Variants in ZNF33A observed in about 807,000 individuals in gnomAD.
ZNF33A encodes the protein brain my041 protein.
A neutral mutation model predicts 15.9 loss-of-function variants in ZNF33A; 9 were observed. That is an observed-to-expected ratio of 0.57 (90% CI 0.34 to 0.99). The LOEUF is 0.99. Ranked by LOEUF, ZNF33A falls within the 50% of genes least tolerant of loss-of-function variation. The probability of loss-of-function intolerance (pLI) is 0.02; values close to 1 mark genes in which losing one functional copy is unlikely to be tolerated. For missense variants in ZNF33A, 843 were observed against 941.6 expected, an observed-to-expected ratio of 0.90 and a Z score of 1.37; for synonymous variants, 294 against 324.2, an observed-to-expected ratio of 0.91 and a Z score of 1.00.
chr10:38,020,044 T>A (rs960775939), intron 4 of ZNF33A, among the ~76,000 whole-genome samples: 4 of 152,078 alleles, frequency 2.6e-5, no homozygotes, highest in African/African-American at 9.7e-5. Flanking sequence ...GAGAATACTA[T>A]AAAATGTGAT....
At chr10:38,048,405 C>T (rs917272096) in intron 4 of ZNF33A, among the ~76,000 whole-genome samples, 3 of 152,090 alleles carry the variant, frequency 2.0e-5, no homozygotes, top group Non-Finnish European at 1.5e-5. Flanking sequence ...CATATATGTA[C>T]TATTTCTGAA....
rs2066510041 is a variant in ZNF33A, at chr10:38,056,990, A to T, written c.*430A>T. Reference sequence around the variant, plus strand: ...ATGAGTAGAGAGAATTCCCATGTACACTTCACCAAACTTCCTCTAAGGATA... The same window carrying T: ...ATGAGTAGAGAGAATTCCCATGTACTCTTCACCAAACTTCCTCTAAGGATA... On this transcript the variant is annotated 3_prime_UTR_variant, in exon 5 of 5. Coordinates refer to ENST00000432900, the MANE Select transcript of ZNF33A (RefSeq NM_006954.2). 1 of 801,498 alleles carries T rather than the reference A, an allele frequency of 1.2e-6. No individual in the cohort carries two copies. The highest frequency in any genetic ancestry group is 1.8e-5 in the African/African-American group (1 of 54,200). 49.6% of individuals were successfully genotyped at this position (801,498 alleles called of 1,614,324 possible).
At position 38,010,689 on chromosome 10, in the gene ZNF33A, T is replaced by G. The variant is rs2064124339; in HGVS notation, c.-139T>G. On this transcript the variant is annotated 5_prime_UTR_variant, in exon 1 of 5. Coordinates refer to ENST00000432900, the MANE Select transcript of ZNF33A (RefSeq NM_006954.2). ...GCTACGTCTGCGTTTCCGCCTTTCCTTTTGTTTTTCTCAGGTTTTGCGTGG... is the reference window on the plus strand; with the variant it reads ...GCTACGTCTGCGTTTCCGCCTTTCCGTTTGTTTTTCTCAGGTTTTGCGTGG... 1 of 1,596,126 alleles carries G rather than the reference T, an allele frequency of 6.3e-7. No individual in the cohort carries two copies. The highest frequency in any genetic ancestry group is 8.5e-7 in the Non-Finnish European group (1 of 1,177,972).
At chr10:38,062,528 G>A (rs1385288068), downstream of ZNF33A, among the ~76,000 whole-genome samples, 2 of 152,198 alleles carry the variant, frequency 1.3e-5, no homozygotes, top group African/African-American at 4.8e-5. Context: ...ACTATTATGA[G>A]TGCGTGTGTA....
chr10:38,043,955 T>C (rs1269066605), intron 4 of ZNF33A: 4 of 152,044 alleles, frequency 2.6e-5, no homozygotes, highest in African/African-American at 9.7e-5. Context: ...AGTTTTAGTA[T>C]ATGTGTTGCA....
chr10:38,019,969 A>G (rs1484864299), intron 4 of ZNF33A, among the ~76,000 whole-genome samples: 1 of 152,216 alleles, frequency 6.6e-6, no homozygotes, highest in Non-Finnish European at 1.5e-5. Context: ...TTTCACTTCA[A>G]GTGGTAAAAT....
At chr10:38,023,579 C>G (rs142166199) in intron 4 of ZNF33A, among the ~76,000 whole-genome samples, 25 of 152,280 alleles carry the variant, frequency 1.6e-4, no homozygotes, top group Admixed American at 1.4e-3. Flanking sequence ...ATGATAAAAA[C>G]TCTCCATACT....
rs2066496089 is a variant in ZNF33A, at chr10:38,056,552, G to A, written c.2428G>A (p.Val810Ile). Residue 810 changes from valine to isoleucine, a missense_variant, in exon 5 of 5, where the codon GTT becomes ATT. Physicochemically the swap from Val to Ile is conservative, Grantham distance 29. Transcript: ENST00000432900. ...AGAAAGCCCTGATGACATCCTGAATGTTCAGTAACTATCCACAAACTCACC... is the reference window on the plus strand; with the variant it reads ...AGAAAGCCCTGATGACATCCTGAATATTCAGTAACTATCCACAAACTCACC... ...CGESPDDILNVQ is the reference protein window; with the variant it reads ...CGESPDDILNIQ 2 of 1,562,860 alleles carry A rather than the reference G, an allele frequency of 1.3e-6. No homozygotes were observed. The highest frequency in any genetic ancestry group is 1.9e-5 in the Admixed American group (1 of 51,712).
intron 2 of ZNF33A, among the ~76,000 whole-genome samples, chr10:38,013,682 C>A (rs1413659702): frequency 2.0e-5 from 3 of 151,946 alleles, no homozygotes; most frequent in African/African-American, 7.3e-5. Flanking sequence ...TGGTCTCAGT[C>A]TCCTGACCTC....
chr10:38,023,012 C>T (rs1774216703), intron 4 of ZNF33A, among the ~76,000 whole-genome samples: 1 of 151,970 alleles, frequency 6.6e-6, no homozygotes, highest in Non-Finnish European at 1.5e-5. Context: ...GTGGTGTAAT[C>T]TCGGCTCACC....
chr10:38,054,449 A>G lies in ZNF33A; in HGVS notation c.325A>G (p.Ile109Val), dbSNP rs779773450. 2.6e-5 allele frequency: 42 copies of G among 1,609,648 alleles called. No homozygotes were observed. The highest frequency in any genetic ancestry group is 3.4e-5 in the Non-Finnish European group (40 of 1,178,732). Residue 109 changes from isoleucine to valine, a missense_variant, in exon 5 of 5, where the codon ATC becomes GTC. Ile to Val is a conservative substitution (Grantham distance 29). Transcript: ENST00000432900. ...QSKHLWEVVF[I>V]NNEMLTKEQG... ...TAAACATTTGTGGGAAGTTGTATTC[A>G]TCAATAATGAAATGCTGACTAAGGA...
intron 2 of ZNF33A, 121 bp downstream of exon 2, chr10:38,012,471 A>ACCCAGG (rs1357536906): frequency 8.4e-7 from 1 of 1,183,528 alleles, no homozygotes; most frequent in African/African-American, 1.9e-5. Flanking sequence ...TCACTCTGTC[A>ACCCAGG]CCCAGGCTGG....
At chr10:38,052,567 A>G (rs1371748158) in intron 4 of ZNF33A, among the ~76,000 whole-genome samples, 1 of 152,166 alleles carries the variant, frequency 6.6e-6, no homozygotes, top group African/African-American at 2.4e-5. Flanking sequence ...CCATGTAGTA[A>G]TTAGCAGGAT....
At chr10:38,061,605 A>T (rs2066654331), downstream of ZNF33A, among the ~76,000 whole-genome samples, 1 of 152,122 alleles carries the variant, frequency 6.6e-6, no homozygotes, top group African/African-American at 2.4e-5. Flanking sequence ...AGTGACTGTG[A>T]CATCCAATAT....
intron 4 of ZNF33A, among the ~76,000 whole-genome samples, chr10:38,037,607 AACT>A (rs2065509830): frequency 6.6e-6 from 1 of 152,168 alleles, no homozygotes; most frequent in Non-Finnish European, 1.5e-5. Flanking sequence ...TACAGGTGTG[AACT>A]ACTGTGCCCA....
intron 4 of ZNF33A, among the ~76,000 whole-genome samples, chr10:38,045,412 A>C (rs1485080588): frequency 5.9e-5 from 9 of 152,008 alleles, no homozygotes; most frequent in Admixed American, 2.0e-4. Context: ...CTGATTGCTG[A>C]CGTATTGCTC....
Position 38,057,112 on chromosome 10 carries a change from C to G in ZNF33A, c.*552C>G, listed in dbSNP as rs1170868019. On this transcript the variant is annotated 3_prime_UTR_variant, in exon 5 of 5. Transcript: ENST00000432900. ...GATTTTACTATGGTTTGCATGCACT[C>G]TGTGTGTGTGTGTACGTGTATGTGT... is the stretch of plus-strand genomic sequence containing the variant. 12 of 700,208 alleles carry G rather than the reference C, an allele frequency of 1.7e-5. No homozygotes were observed. The highest frequency in any genetic ancestry group is 1.3e-4 in the East Asian group (1 of 7,538). The allele number at this position is 700,208 out of a possible 1,614,324, so 43.4% of individuals were successfully genotyped here.
At chr10:38,067,790 C>T (rs1052283549), downstream of ZNF33A, among the ~76,000 whole-genome samples, 22 of 152,270 alleles carry the variant, frequency 1.4e-4, no homozygotes, top group Admixed American at 3.3e-4. Context: ...AGACATTGAA[C>T]GAAACATTCA....
intron 4 of ZNF33A, among the ~76,000 whole-genome samples, chr10:38,022,674 A>AG (rs1410040036): frequency 1.3e-5 from 2 of 151,588 alleles, no homozygotes; most frequent in African/African-American, 4.8e-5. Flanking sequence ...AAAAAAAAAA[A>AG]AAAATGACAA....
Sources: allele counts gnomAD v4.1 joint callset (sites outside exome capture counted in the v4.1 genomes callset), GRCh38; gene constraint gnomAD v4.1.1; transcripts MANE v1.5; gene names NCBI Gene and HGNC (gene_info 2026-07-23, HGNC 2026-07-21).